The following PPP1R9A variants were observed in gnomAD, a reference collection of about 807,000 sequenced individuals.
The protein encoded by PPP1R9A is protein phosphatase 1 regulatory subunit 9A.
Under a neutral mutation model 141.9 loss-of-function variants are expected in PPP1R9A, and 59 were observed. The observed-to-expected ratio is 0.42, with a 90% CI of 0.34 to 0.52. PPP1R9A has a LOEUF of 0.52. Ranked by LOEUF, PPP1R9A falls within the 20% of genes least tolerant of loss-of-function variation. PPP1R9A has a pLI of 0.10. For synonymous variants in PPP1R9A, 500 were observed against 569.7 expected, an observed-to-expected ratio of 0.88 and a Z score of 1.74; for missense variants, 1,444 against 1,611.9, an observed-to-expected ratio of 0.90 and a Z score of 1.78.
At chr7:95,065,133 A>T (rs1289027082) in intron 2 of PPP1R9A, among the ~76,000 whole-genome samples, 1 of 152,148 alleles carries the variant, frequency 6.6e-6, no homozygotes, top group East Asian at 1.9e-4. Context: ...TGGCATGCTC[A>T]TAGCTCACTG....
At chr7:95,054,158 C>T (rs186091569) in intron 2 of PPP1R9A, among the ~76,000 whole-genome samples, 1 of 150,374 alleles carries the variant, frequency 6.7e-6, no homozygotes, top group East Asian at 2.0e-4. Context: ...GCTCTCTTGC[C>T]CAGCTGGAGT....
Position 95,291,904 on chromosome 7 carries a change from T to C in PPP1R9A, c.*1601T>C, listed in dbSNP as rs1324157778. The C allele has an allele frequency of 6.6e-6, 1 of 151,388 alleles. No individual in the cohort carries two copies. Among genetic ancestry groups the C allele is most frequent in the East Asian group, 1.9e-4 (1 of 5,204 alleles). 9.4% of individuals were successfully genotyped at this position (151,388 alleles called of 1,614,324 possible). On this transcript the variant is annotated 3_prime_UTR_variant, in exon 20 of 20. Transcript: ENST00000433360. ...GGAACTCCCTTGTAGCCCCATCTTG[T>C]ATTTTAATAACAGTGTGATTTTTTT...
intron 8 of PPP1R9A, among the ~76,000 whole-genome samples, chr7:95,240,443 G>A (rs111723039): frequency 3.0e-4 from 45 of 151,358 alleles, no homozygotes; most frequent in Admixed American, 1.6e-3. Flanking sequence ...ACTGTCATCA[G>A]TATCTATTAC....
chr7:95,154,374 G>A (rs1829239017), intron 4 of PPP1R9A, among the ~76,000 whole-genome samples: 1 of 152,040 alleles, frequency 6.6e-6, no homozygotes, highest in Admixed American at 6.5e-5. Flanking sequence ...ATTGTGGTCT[G>A]AGAAGATAGT....
chr7:95,179,917 G>A (rs1364892259), intron 5 of PPP1R9A, among the ~76,000 whole-genome samples: 1 of 152,102 alleles, frequency 6.6e-6, no homozygotes, highest in South Asian at 2.1e-4. Flanking sequence ...TCATTGATAG[G>A]TAGAATCAAT....
At chr7:95,038,079 TC>T (rs1289745343) in intron 2 of PPP1R9A, among the ~76,000 whole-genome samples, 1 of 151,264 alleles carries the variant, frequency 6.6e-6, no homozygotes, top group Non-Finnish European at 1.5e-5. Flanking sequence ...GTCATTGCAC[TC>T]CAGCCTGGGT....
At chr7:94,921,768 C>G (rs141429018) in intron 2 of PPP1R9A, among the ~76,000 whole-genome samples, 2 of 151,716 alleles carry the variant, frequency 1.3e-5, no homozygotes, top group African/African-American at 4.8e-5. Flanking sequence ...AATTATACAC[C>G]AGGTGTTATA....
chr7:95,122,183 G>A (rs1278670633), intron 4 of PPP1R9A, among the ~76,000 whole-genome samples: 5 of 139,760 alleles, frequency 3.6e-5, no homozygotes, highest in Admixed American at 7.2e-5. Flanking sequence ...ATCTCATTGT[G>A]TTGCCTAAGC....
chr7:94,920,737 A>G (rs1792689598), intron 2 of PPP1R9A, among the ~76,000 whole-genome samples: 1 of 152,204 alleles, frequency 6.6e-6, no homozygotes, highest in Non-Finnish European at 1.5e-5. Context: ...GGCAAGGGTC[A>G]AAAAGGTGAA....
chr7:95,062,018 G>A (rs551256419), intron 2 of PPP1R9A, among the ~76,000 whole-genome samples: 2 of 152,192 alleles, frequency 1.3e-5, no homozygotes, highest in South Asian at 4.1e-4. Context: ...CTCAGGCAGT[G>A]TAATTGAGGA....
At chr7:94,963,234 G>C in intron 2 of PPP1R9A, among the ~76,000 whole-genome samples, 1 of 152,078 alleles carries the variant, frequency 6.6e-6, no homozygotes, top group Non-Finnish European at 1.5e-5. Context: ...GGGTTTACCA[G>C]TTATGCCACA....
intron 2 of PPP1R9A, among the ~76,000 whole-genome samples, chr7:95,039,573 T>G (rs1584397479): frequency 6.7e-6 from 1 of 148,668 alleles, no homozygotes; most frequent in African/African-American, 2.5e-5. Flanking sequence ...AAAAAAAAAG[T>G]ATTAAAAGGA....
intron 19 of PPP1R9A, among the ~76,000 whole-genome samples, chr7:95,289,230 C>T (rs946173901): frequency 6.6e-6 from 1 of 152,148 alleles, no homozygotes; most frequent in Non-Finnish European, 1.5e-5. Flanking sequence ...TTGTCCAGTC[C>T]ATCTCTCTTA....
chr7:95,164,191 A>T (rs2152722841), intron 5 of PPP1R9A, among the ~76,000 whole-genome samples: 1 of 152,316 alleles, frequency 6.6e-6, no homozygotes, highest in Non-Finnish European at 1.5e-5. Flanking sequence ...TATTCCTATC[A>T]GCAATGAGTG....
Position 95,116,297 on chromosome 7 carries a change from G to A in PPP1R9A, c.1529-4415G>A, listed in dbSNP as rs527544623. ...AATAACAGCAAATAAAAGATGAAAA[G>A]CATCATCTTTTGCTGATATATTCAT... On this transcript the variant is annotated intron_variant, in intron 3 of 19. Coordinates refer to ENST00000433360, the MANE Select transcript of PPP1R9A (RefSeq NM_001166160.2). Among the ~76,000 whole-genome samples the A allele has an allele frequency of 6.2e-4, 95 of 152,052 alleles. 1 individual carries two copies. In the South Asian group the frequency reaches 0.018, roughly 29 times the overall value.
At chr7:94,966,396 G>GTT (rs1190181516) in intron 2 of PPP1R9A, among the ~76,000 whole-genome samples, 1 of 152,098 alleles carries the variant, frequency 6.6e-6, no homozygotes, top group East Asian at 1.9e-4. Context: ...TCTTGTGCTG[G>GTT]TTTTCAAAGG....
At chr7:95,225,847 T>TA in intron 7 of PPP1R9A, 114 bp from the exon 8 acceptor site, 1 of 1,146,542 alleles carries the variant, frequency 8.7e-7, no homozygotes, top group Non-Finnish European at 1.2e-6. Context: ...AAAACCTACT[T>TA]ACACTTTTAC....
At chr7:95,167,148 G>A (rs1243444021) in intron 5 of PPP1R9A, among the ~76,000 whole-genome samples, 1 of 152,134 alleles carries the variant, frequency 6.6e-6, no homozygotes, top group Non-Finnish European at 1.5e-5. Context: ...GCAAGGAGGA[G>A]CAAGTCACAT....
At chr7:95,250,405 A>G in intron 10 of PPP1R9A, 150 bp downstream of exon 10, 1 of 688,766 alleles carries the variant, frequency 1.5e-6, no homozygotes. Context: ...ATACACATTA[A>G]GTTTTGGAAG....
Sources: gnomAD v4.1 joint callset for allele counts (sites outside exome capture counted in the v4.1 genomes callset) on GRCh38, gnomAD v4.1.1 for gene constraint, MANE v1.5 for transcripts, NCBI Gene and HGNC (gene_info 2026-07-23, HGNC 2026-07-21) for gene names.